The following PRKG1 variants were observed in gnomAD, a reference collection of about 807,000 sequenced individuals.
PRKG1 encodes the protein cGMP-dependent protein kinase 1.
A neutral mutation model predicts 88.1 loss-of-function variants in PRKG1; 35 were observed. That is an observed-to-expected ratio of 0.40 (90% CI 0.30 to 0.53). The LOEUF (loss-of-function observed/expected upper bound fraction) is 0.53. Among genes scored for constraint, PRKG1 ranks in the 20% least tolerant of loss-of-function variants. The pLI, the probability that PRKG1 is intolerant of heterozygous loss-of-function variation, is 0.59. For missense variants in PRKG1, 540 were observed against 839.8 expected (o/e 0.64, Z 4.41); for synonymous variants, 303 against 292.5 (o/e 1.04, Z -0.37).
chr10:51,075,037 G>T, intron 1 of PRKG1, 136 bp downstream of exon 1: 1 of 1,287,008 alleles, frequency 7.8e-7, no homozygotes, highest in African/African-American at 1.5e-5. Flanking sequence ...CATTTTAACG[G>T]GCACTTCTTG....
chr10:51,800,200 T>C (rs1015886157), intron 3 of PRKG1, among the ~76,000 whole-genome samples: 1 of 152,182 alleles, frequency 6.6e-6, no homozygotes, highest in East Asian at 1.9e-4. Context: ...AAGGGTGCTC[T>C]TTTTTCTCCC....
At chr10:51,078,647 C>T (rs889047369) in intron 1 of PRKG1, among the ~76,000 whole-genome samples, 9 of 150,520 alleles carry the variant, frequency 6.0e-5, no homozygotes, top group East Asian at 1.9e-4. Flanking sequence ...GACGGAGTCT[C>T]GCTCTATCGC....
At chr10:51,390,964 G>C (rs889805187) in intron 2 of PRKG1, among the ~76,000 whole-genome samples, 2 of 152,162 alleles carry the variant, frequency 1.3e-5, no homozygotes, top group Non-Finnish European at 2.9e-5. Flanking sequence ...AAAACCCTGC[G>C]CAAAGATAAT....
chr10:51,468,034 T>C (rs910876146), intron 3 of PRKG1, 198 bp downstream of exon 3: 2 of 492,324 alleles, frequency 4.1e-6, no homozygotes, highest in African/African-American at 3.9e-5. Flanking sequence ...AATTACATTT[T>C]CTTGCTGACT....
intron 9 of PRKG1, among the ~76,000 whole-genome samples, chr10:52,201,835 A>G (rs974441444): frequency 1.3e-5 from 2 of 152,020 alleles, no homozygotes; most frequent in South Asian, 4.1e-4. Context: ...ATGGGATTGC[A>G]TTCTTGATTT....
chr10:52,128,381 C>A (rs1317383913), intron 7 of PRKG1: 30 of 985,194 alleles, frequency 3.0e-5, no homozygotes, highest in Non-Finnish European at 3.5e-5. Flanking sequence ...TATCAATGAA[C>A]GCTAGAGTTC....
intron 3 of PRKG1, among the ~76,000 whole-genome samples, chr10:51,723,414 T>A (rs551520098): frequency 6.6e-6 from 1 of 152,006 alleles, no homozygotes; most frequent in Admixed American, 6.6e-5. Flanking sequence ...TAAGTGGGAA[T>A]TGAACAACAA....
intron 3 of PRKG1, among the ~76,000 whole-genome samples, chr10:51,602,009 A>C (rs915592623): frequency 1.3e-5 from 2 of 151,938 alleles, no homozygotes. Context: ...AATGCAACAA[A>C]ATGTCTGGCA....
chr10:51,240,049 T>A (rs914734778), intron 2 of PRKG1, among the ~76,000 whole-genome samples: 13 of 152,234 alleles, frequency 8.5e-5, no homozygotes, highest in African/African-American at 2.4e-5. Flanking sequence ...CTTTCTCATC[T>A]GAGCAGGTAT....
intron 2 of PRKG1, among the ~76,000 whole-genome samples, chr10:51,396,167 C>T (rs1222816542): frequency 6.6e-6 from 1 of 152,112 alleles, no homozygotes; most frequent in Non-Finnish European, 1.5e-5. Flanking sequence ...GGGTGGATCG[C>T]TTGAGGCCAG....
At chr10:51,804,448 T>G in intron 3 of PRKG1, 137 bp from the exon 4 acceptor site, 1 of 632,098 alleles carries the variant, frequency 1.6e-6, no homozygotes, top group South Asian at 2.0e-5. Flanking sequence ...CATTGTGATA[T>G]TAGCTTTAAA....
At chr10:51,182,660 A>C (rs975598082) in intron 2 of PRKG1, among the ~76,000 whole-genome samples, 1 of 152,154 alleles carries the variant, frequency 6.6e-6, no homozygotes, top group Non-Finnish European at 1.5e-5. Flanking sequence ...ATATAGATCT[A>C]GACAGGTAAT....
intron 5 of PRKG1, among the ~76,000 whole-genome samples, chr10:51,914,523 G>A (rs1330136265): frequency 1.3e-5 from 2 of 152,196 alleles, no homozygotes; most frequent in Non-Finnish European, 2.9e-5. Flanking sequence ...GTGAAGAGAA[G>A]TGGGGCATGG....
At chr10:52,240,434 C>A (rs939894641) in intron 9 of PRKG1, among the ~76,000 whole-genome samples, 1 of 152,016 alleles carries the variant, frequency 6.6e-6, no homozygotes, top group Non-Finnish European at 1.5e-5. Context: ...GATCCCGGAC[C>A]AGAAAACGGA....
intron 1 of PRKG1, among the ~76,000 whole-genome samples, chr10:51,026,680 G>T (rs1211508461): frequency 1.3e-5 from 2 of 152,078 alleles, no homozygotes; most frequent in African/African-American, 4.8e-5. Flanking sequence ...GCTAGTTGTG[G>T]ATAACTTCAG....
rs549381801 is a variant in PRKG1 at position 51,086,385 on chromosome 10, A to C, written c.311+11484A>C. ...TTTCTTTCTGATAGATAACAGCTAA[A>C]AGGGTGTAGCCCATGTCCTTTCCAA... On this transcript the variant is annotated intron_variant, in intron 1 of 17. Coordinates refer to ENST00000373980, the MANE Select transcript of PRKG1 (RefSeq NM_006258.4). Among the ~76,000 whole-genome samples, 3 of 152,332 alleles carry C rather than the reference A, an allele frequency of 2.0e-5. No individual in the cohort carries two copies. The East Asian group carries it at 5.8e-4, about 29-fold the overall frequency.
chr10:51,402,421 T>G (rs532604057), intron 2 of PRKG1, among the ~76,000 whole-genome samples: 4 of 152,288 alleles, frequency 2.6e-5, no homozygotes, highest in African/African-American at 9.6e-5. Context: ...GGTCATTGCA[T>G]TTACCCTCTG....
At position 51,164,247 on chromosome 10, in the gene PRKG1, C is replaced by T. The variant is rs188638237; in HGVS notation, c.478+10917C>T. Among the ~76,000 whole-genome samples, 1,175 of 152,224 alleles carry T rather than the reference C, an allele frequency of 7.7e-3. 19 individuals are homozygous for T. The highest frequency in any genetic ancestry group is 0.027 in the African/African-American group (1,120 of 41,538). On this transcript the variant is annotated intron_variant, in intron 2 of 17. Coordinates refer to ENST00000373980, the MANE Select transcript of PRKG1 (RefSeq NM_006258.4). ...GCAGCATTCACGGTTCACGAAAATCCGCTGTTCTGCAGCCACCGCTGCTGT... is the reference window on the plus strand; with the variant it reads ...GCAGCATTCACGGTTCACGAAAATCTGCTGTTCTGCAGCCACCGCTGCTGT...
At chr10:51,452,600 C>T (rs1402263819) in intron 2 of PRKG1, among the ~76,000 whole-genome samples, 4 of 151,888 alleles carry the variant, frequency 2.6e-5, no homozygotes, top group African/African-American at 4.8e-5. Context: ...CATTTATTGA[C>T]TTGCGTATGT....
Sources: allele counts gnomAD v4.1 joint callset (sites outside exome capture counted in the v4.1 genomes callset), GRCh38; gene constraint gnomAD v4.1.1; transcripts MANE v1.5; gene names NCBI Gene and HGNC (gene_info 2026-07-23, HGNC 2026-07-21).